NAALADL2: variants seen among roughly 807,000 people sequenced by gnomAD.
NAALADL2 encodes the protein inactive N-acetylated-alpha-linked acidic dipeptidase-like protein 2.
Under a neutral mutation model 87.2 loss-of-function variants are expected in NAALADL2, and 76 were observed. The ratio of observed to expected loss-of-function variants is 0.87; its 90% confidence interval spans 0.72 to 1.05. The LOEUF (loss-of-function observed/expected upper bound fraction) is 1.05. NAALADL2 is among the 50% of genes least tolerant of loss of function. The pLI is 0.00. For missense variants in NAALADL2, 1,089 were observed against 945.8 expected (o/e 1.15, Z -1.99); for synonymous variants, 354 against 331.0 (o/e 1.07, Z -0.75).
chr3:174,900,780 A>G (rs1204818692), intron 1 of NAALADL2, among the ~76,000 whole-genome samples: 1 of 152,086 alleles, frequency 6.6e-6, no homozygotes, highest in Non-Finnish European at 1.5e-5. Context: ...CATTGTATGC[A>G]TGTATTTTTT....
intron 1 of NAALADL2, among the ~76,000 whole-genome samples, chr3:174,989,695 C>T (rs977519642): frequency 6.6e-6 from 1 of 151,966 alleles, no homozygotes; most frequent in Non-Finnish European, 1.5e-5. Flanking sequence ...AAAATATAAG[C>T]CTGAGTCTAT....
In NAALADL2 at chr3:175,020,222, T is replaced by C. The variant is rs145834762; in HGVS notation, c.44-76568T>C. On this transcript the variant is annotated intron_variant, in intron 1 of 13. Transcript: ENST00000454872. The stretch of plus-strand genomic sequence containing the variant: ...TTGAAAGATTGGTAGGTCTTGGTTC[T>C]TGATGCTTTCAAGGAAAACCAGAAG... Among the ~76,000 whole-genome samples the C allele has an allele frequency of 2.9e-4, 44 of 152,186 alleles. No homozygotes were observed. The East Asian group carries it at 6.6e-3, about 23-fold the overall frequency.
intron 1 of NAALADL2, chr3:175,059,352 A>G (rs1383609579): frequency 6.6e-6 from 1 of 152,178 alleles, no homozygotes; most frequent in African/African-American, 2.4e-5. Flanking sequence ...ATCTGGGGTG[A>G]ATTTTCGGTC....
chr3:175,454,095 C>A (rs1375237171), intron 6 of NAALADL2, among the ~76,000 whole-genome samples: 1 of 151,944 alleles, frequency 6.6e-6, no homozygotes, highest in Non-Finnish European at 1.5e-5. Context: ...ATATATGTCT[C>A]ATTAATAGCA....
At chr3:174,835,553 G>C (rs1723233449) in intron 3 of NAALADL2, among the ~76,000 whole-genome samples, 1 of 151,918 alleles carries the variant, frequency 6.6e-6, no homozygotes, top group Non-Finnish European at 1.5e-5. Flanking sequence ...CAATTAGCAG[G>C]GTGAAAAGGC....
At chr3:175,302,866 GTGTA>G (rs1757259226) in intron 4 of NAALADL2, among the ~76,000 whole-genome samples, 1 of 148,144 alleles carries the variant, frequency 6.8e-6, no homozygotes, top group African/African-American at 2.5e-5. Context: ...GTGTGTGTGT[GTGTA>G]TATTTTTTCA....
chr3:175,787,567 G>C (rs576508574), intron 13 of NAALADL2, among the ~76,000 whole-genome samples: 1 of 152,228 alleles, frequency 6.6e-6, no homozygotes, highest in Non-Finnish European at 1.5e-5. Flanking sequence ...GCCCTGCTTC[G>C]GCTCGCGCAC....
chr3:175,015,836 T>A (rs1259116409), intron 1 of NAALADL2, among the ~76,000 whole-genome samples: 1 of 152,038 alleles, frequency 6.6e-6, no homozygotes, highest in Non-Finnish European at 1.5e-5. Flanking sequence ...AAATAAGTAA[T>A]TTATGAGGGT....
intron 5 of NAALADL2, among the ~76,000 whole-genome samples, chr3:175,349,582 T>G (rs566510250): frequency 9.2e-5 from 14 of 152,290 alleles, no homozygotes; most frequent in African/African-American, 3.4e-4. Flanking sequence ...CTCTTTTTTT[T>G]AAGAAAACAG....
At position 175,445,808 on chromosome 3, in the gene NAALADL2, C is replaced by A. The variant is rs563775360; in HGVS notation, c.1091-1421C>A. Among the ~76,000 whole-genome samples the A allele has an allele frequency of 8.5e-5, 13 of 152,178 alleles. No homozygotes were observed. In the South Asian group the frequency reaches 2.3e-3, roughly 27 times the overall value. The stretch of plus-strand genomic sequence containing the variant: ...CTTTATAGCTAGACATTCTTCAAAC[C>A]CTTACACTCTGATCTTACTGTAAAT... On this transcript the variant is annotated intron_variant, in intron 5 of 13. Transcript: ENST00000454872.
intron 9 of NAALADL2, among the ~76,000 whole-genome samples, chr3:175,567,725 T>A (rs902058646): frequency 6.6e-6 from 1 of 151,160 alleles, no homozygotes; most frequent in Non-Finnish European, 1.5e-5. Flanking sequence ...TTTCTTTTTT[T>A]TTTTTTTTGA....
At chr3:175,511,310 A>G (rs73884437) in intron 9 of NAALADL2, among the ~76,000 whole-genome samples, 2,367 of 152,274 alleles carry the variant, frequency 0.016, 63 homozygotes, top group African/African-American at 0.054. Context: ...ATATGATTCT[A>G]TTTAGAGATA....
At chr3:174,572,305 C>T (rs868379550) in intron 2 of NAALADL2, among the ~76,000 whole-genome samples, 10 of 151,998 alleles carry the variant, frequency 6.6e-5, no homozygotes, top group African/African-American at 2.4e-4. Flanking sequence ...ATTGTAGTTG[C>T]TATGGAGGTT....
intron 5 of NAALADL2, among the ~76,000 whole-genome samples, chr3:175,374,582 A>G (rs2862047): frequency 0.094 from 13,149 of 140,394 alleles, 1,276 homozygotes; most frequent in African/African-American, 0.25. Flanking sequence ...AAAAAAAAAA[A>G]AAAGAAAGTT....
At chr3:175,177,034 A>T (rs984387726) in intron 2 of NAALADL2, among the ~76,000 whole-genome samples, 1 of 152,110 alleles carries the variant, frequency 6.6e-6, no homozygotes, top group African/African-American at 2.4e-5. Context: ...GGCAAAGTTT[A>T]ATTATAAAGT....
intron 2 of NAALADL2, among the ~76,000 whole-genome samples, chr3:175,224,783 T>C (rs947827455): frequency 1.3e-5 from 2 of 152,216 alleles, no homozygotes; most frequent in Non-Finnish European, 2.9e-5. Context: ...GTAAATAACT[T>C]ATTCGAATAC....
intron 1 of NAALADL2, among the ~76,000 whole-genome samples, chr3:175,005,667 T>C (rs548886161): frequency 6.6e-6 from 1 of 152,174 alleles, no homozygotes. Context: ...TGTGACTGAA[T>C]GTTGAGTGGA....
At chr3:175,629,872 A>G (rs1351729742) in intron 11 of NAALADL2, among the ~76,000 whole-genome samples, 4 of 151,684 alleles carry the variant, frequency 2.6e-5, no homozygotes, top group African/African-American at 9.7e-5. Flanking sequence ...GAAGATAACA[A>G]ATTTGTTCAC....
intron 2 of NAALADL2, among the ~76,000 whole-genome samples, chr3:175,180,920 G>C (rs770050750): frequency 1.3e-5 from 2 of 151,968 alleles, no homozygotes; most frequent in African/African-American, 4.8e-5. Flanking sequence ...AGTCACATAG[G>C]TGATAGACTG....
Sources: allele counts gnomAD v4.1 joint callset (sites outside exome capture counted in the v4.1 genomes callset), GRCh38; gene constraint gnomAD v4.1.1; transcripts MANE v1.5; gene names NCBI Gene and HGNC (gene_info 2026-07-23, HGNC 2026-07-21).